The following KLHL13 variants were observed in gnomAD, a reference collection of about 807,000 sequenced individuals.
The protein encoded by KLHL13 is kelch-like protein 13.
Under a neutral mutation model 37.1 loss-of-function variants are expected in KLHL13, and 10 were observed. That is an observed-to-expected ratio of 0.27 (90% CI 0.17 to 0.46). The LOEUF is 0.46. Ranked by LOEUF, KLHL13 falls within the 20% of genes least tolerant of loss-of-function variation. The pLI is 1.00. For synonymous variants in KLHL13, 163 were observed against 181.2 expected (o/e 0.90, Z 0.81); for missense variants, 360 against 509.3 (o/e 0.71, Z 2.82).
chrX:118,014,040 T>C (rs774657222), intron 1 of KLHL13, among the ~76,000 whole-genome samples: 1 of 112,175 alleles, frequency 8.9e-6, no homozygotes, highest in African/African-American at 3.2e-5. Context: ...TTGTAAAATA[T>C]GTGTGTTTGA....
chrX:118,074,234 T>G (rs1412175969), intron 1 of KLHL13, among the ~76,000 whole-genome samples: 1 of 111,843 alleles, frequency 8.9e-6, no homozygotes, highest in African/African-American at 3.3e-5. Context: ...GTTTGTGAAG[T>G]AAAACCCTCA....
At chrX:117,953,559 TAAAATAAAATAAA>T (rs943832141) in intron 1 of KLHL13, among the ~76,000 whole-genome samples, 15 of 109,815 alleles carry the variant, frequency 1.4e-4, no homozygotes, top group Admixed American at 1.9e-4. Context: ...ATAATAGTAA[TAAAATAAAATAAA>T]AAAATAAAAT....
intron 1 of KLHL13, among the ~76,000 whole-genome samples, chrX:117,999,804 A>G: frequency 1.8e-5 from 2 of 111,540 alleles, no homozygotes; most frequent in South Asian, 3.8e-4. Flanking sequence ...GAGGGCCAAT[A>G]AATAAATAAC....
At chrX:118,087,376 TCTA>T (rs936890688) in intron 1 of KLHL13, among the ~76,000 whole-genome samples, 7 of 109,816 alleles carry the variant, frequency 6.4e-5, no homozygotes, top group South Asian at 3.9e-4. Flanking sequence ...ATCCACTGAA[TCTA>T]CTCTTTAAAA....
At chrX:117,937,304 T>G (rs73595647) in intron 2 of KLHL13, among the ~76,000 whole-genome samples, 1,494 of 111,714 alleles carry the variant, frequency 0.013, 34 homozygotes, top group African/African-American at 0.045. Context: ...AGGGTTTTAA[T>G]AGCAACATAG....
chrX:118,051,626 AAC>A (rs2054614925), intron 1 of KLHL13, among the ~76,000 whole-genome samples: 3 of 111,051 alleles, frequency 2.7e-5, no homozygotes, highest in African/African-American at 9.8e-5. Flanking sequence ...AATAAATGGA[AAC>A]ACACACACTC....
At chrX:117,965,864 C>T (rs1188272325) in intron 1 of KLHL13, among the ~76,000 whole-genome samples, 26 of 111,612 alleles carry the variant, frequency 2.3e-4, no homozygotes, top group Non-Finnish European at 3.8e-4. Flanking sequence ...ACCCTTCATG[C>T]TAAAAACTCT....
intron 1 of KLHL13, among the ~76,000 whole-genome samples, chrX:117,984,720 C>G (rs2053704213): frequency 9.0e-6 from 1 of 111,069 alleles, no homozygotes; most frequent in Non-Finnish European, 1.9e-5. Flanking sequence ...TATAATAGGT[C>G]AAATTCATAT....
At chrX:118,076,997 C>T (rs942010823) in intron 1 of KLHL13, among the ~76,000 whole-genome samples, 1 of 109,633 alleles carries the variant, frequency 9.1e-6, no homozygotes, top group Admixed American at 9.8e-5. Flanking sequence ...TGAACAACCC[C>T]GACTAACACA....
intron 1 of KLHL13, among the ~76,000 whole-genome samples, chrX:118,102,843 A>G (rs975427008): frequency 9.0e-6 from 1 of 111,621 alleles, no homozygotes; most frequent in African/African-American, 3.3e-5. Context: ...ATTGTGAAGT[A>G]ATAGTTTATG....
At chrX:118,027,788 A>C (rs934633228) in intron 1 of KLHL13, among the ~76,000 whole-genome samples, 2 of 111,205 alleles carry the variant, frequency 1.8e-5, no homozygotes, top group South Asian at 7.5e-4. Flanking sequence ...AATGACTACG[A>C]AACTTGCCCA....
At chrX:117,999,433 T>C (rs1380865634) in intron 1 of KLHL13, among the ~76,000 whole-genome samples, 1 of 110,585 alleles carries the variant, frequency 9.0e-6, no homozygotes. Context: ...CTCAGCAAAC[T>C]ATCACAAGGA....
intron 1 of KLHL13, among the ~76,000 whole-genome samples, chrX:117,950,248 C>T (rs1419860548): frequency 8.9e-6 from 1 of 112,329 alleles, no homozygotes; most frequent in Non-Finnish European, 1.9e-5. Flanking sequence ...AGGCGGATCA[C>T]CTGAGATCAG....
chrX:118,026,484 G>T (rs1204684317), intron 1 of KLHL13, among the ~76,000 whole-genome samples: 3 of 111,596 alleles, frequency 2.7e-5, no homozygotes, highest in Non-Finnish European at 3.8e-5. Context: ...TGCTAAAACT[G>T]AAGCAAGAAC....
At chrX:117,905,221 A>G (rs929715137) in intron 5 of KLHL13, among the ~76,000 whole-genome samples, 5 of 111,683 alleles carry the variant, frequency 4.5e-5, no homozygotes, top group East Asian at 2.8e-4. Flanking sequence ...TGTTTTCTAT[A>G]AGTTATTTCA....
intron 1 of KLHL13, among the ~76,000 whole-genome samples, chrX:118,106,128 A>T (rs1221087174): frequency 9.8e-6 from 1 of 102,171 alleles, no homozygotes; most frequent in Non-Finnish European, 2.0e-5. Flanking sequence ...CGATCTCCTG[A>T]CCTCGTGATC....
intron 2 of KLHL13, among the ~76,000 whole-genome samples, chrX:117,926,752 G>C (rs1055267547): frequency 1.8e-5 from 2 of 108,948 alleles, no homozygotes; most frequent in Non-Finnish European, 3.8e-5. Flanking sequence ...CAAGCTGATG[G>C]TGAGTCCCCA....
At position 118,000,314 on chromosome X, in the gene KLHL13, C is replaced by T. The variant is rs907331601; in HGVS notation, c.-55-54739G>A. On this transcript the variant is annotated intron_variant, in intron 1 of 6. Coordinates refer to the KLHL13 transcript ENST00000371882. ...TTCAGGCTGCAACCTTCTCTCCTGC[C>T]CCAGCGTCCTAAAATTGCTACAAGA... Among the ~76,000 whole-genome samples the T allele has an allele frequency of 2.7e-5, 3 of 111,668 alleles. No homozygotes were observed. The East Asian group carries it at 8.4e-4, about 31-fold the overall frequency.
intron 1 of KLHL13, among the ~76,000 whole-genome samples, chrX:117,952,871 G>C (rs1405635232): frequency 9.3e-6 from 1 of 107,866 alleles, no homozygotes; most frequent in Non-Finnish European, 1.9e-5. Context: ...TCTCACACCA[G>C]TTAGAATGGC....
Sources: allele counts gnomAD v4.1 joint callset (sites outside exome capture counted in the v4.1 genomes callset), GRCh38; gene constraint gnomAD v4.1.1; transcripts MANE v1.5; gene names NCBI Gene and HGNC (gene_info 2026-07-23, HGNC 2026-07-21).